VPS4B: variants seen among roughly 807,000 people sequenced by gnomAD.
The protein encoded by VPS4B is vacuolar protein sorting 4 homolog B.
A neutral mutation model predicts 56.1 loss-of-function variants in VPS4B; 23 were observed. The ratio of observed to expected loss-of-function variants is 0.41; its 90% CI spans 0.30 to 0.58. VPS4B has a LOEUF of 0.58. Ranked by LOEUF, VPS4B falls within the 20% of genes least tolerant of loss-of-function variation. The probability of loss-of-function intolerance (pLI) is 0.29; values close to 1 mark genes in which losing one functional copy is unlikely to be tolerated. For missense variants in VPS4B, 372 were observed against 531.9 expected (o/e 0.70, Z 2.96); for synonymous variants, 177 against 186.0 (o/e 0.95, Z 0.39).
At chr18:63,401,579 C>T (rs894739125) in intron 5 of VPS4B, among the ~76,000 whole-genome samples, 3 of 152,112 alleles carry the variant, frequency 2.0e-5, no homozygotes, top group African/African-American at 7.2e-5. Context: ...CTAGTTTTGC[C>T]AAAATATAAC....
rs369477134 is a variant in VPS4B, at chr18:63,397,014, G to T, written c.1092+20C>A. 8.1e-6 allele frequency: 13 copies of T among 1,599,136 alleles called. No individual in the cohort carries two copies. The highest frequency in any genetic ancestry group is 1.1e-5 in the Non-Finnish European group (13 of 1,168,496). ...AAAAAAAAAAAAAAAGATAGGAAAG[G>T]ATAGATAAAAATGACTTACCTTTTT... On this transcript the variant is annotated intron_variant, in intron 9 of 10. Transcript: ENST00000238497.
rs758861653 is a variant in VPS4B, at chr18:63,400,100, A to G, written c.738T>C (p.Asn246=). The G allele has an allele frequency of 4.3e-6, 7 of 1,613,614 alleles. No individual in the cohort carries two copies. The highest frequency in any genetic ancestry group is 5.9e-6 in the Non-Finnish European group (7 of 1,179,796). The part of the protein sequence containing the change: ...IDSLCGSRSE[N]ESEAARRIKT... ...TAATTCTACGTGCGGCTTCACTTTC[A>G]TTTTCACTTCTTGAACCACAGAGAG... The change falls in exon 7 of 11, where the codon AAT becomes AAC. Residue 246 remains asparagine, a synonymous_variant. Transcript: ENST00000238497.
chr18:63,400,280 G>A, intron 6 of VPS4B, 84 bp from the exon 7 acceptor site: 1 of 1,370,022 alleles, frequency 7.3e-7, no homozygotes. Flanking sequence ...CAAGAACTCT[G>A]TAGATTAAAA....
intron 8 of VPS4B, among the ~76,000 whole-genome samples, chr18:63,398,548 A>G (rs932168052): frequency 1.1e-4 from 16 of 152,004 alleles, no homozygotes; most frequent in East Asian, 3.9e-4. Context: ...AAAAAAAAAA[A>G]AAATCTTGGC....
chr18:63,411,424 T>A (rs1916041670), intron 2 of VPS4B, 43 bp downstream of exon 2: 1 of 1,375,444 alleles, frequency 7.3e-7, no homozygotes, highest in Non-Finnish European at 9.7e-7. Flanking sequence ...AGAATAAATT[T>A]TCCTTTTCGT....
At chr18:63,398,190 T>C (rs938371641) in intron 8 of VPS4B, among the ~76,000 whole-genome samples, 40 of 132,826 alleles carry the variant, frequency 3.0e-4, no homozygotes, top group Middle Eastern at 3.8e-3. Flanking sequence ...TATACATATA[T>C]ACACACACAC....
At chr18:63,399,618 A>T (rs1411682908) in intron 7 of VPS4B, among the ~76,000 whole-genome samples, 1 of 152,216 alleles carries the variant, frequency 6.6e-6, no homozygotes, top group East Asian at 1.9e-4. Context: ...TCTACATATT[A>T]CTTTTACTGA....
intron 8 of VPS4B, 64 bp from the exon 9 acceptor site, chr18:63,397,317 C>G: frequency 6.9e-7 from 1 of 1,451,520 alleles, no homozygotes; most frequent in Non-Finnish European, 9.2e-7. Flanking sequence ...CAAGAAGAAA[C>G]AGATACTAAG....
intron 1 of VPS4B, among the ~76,000 whole-genome samples, chr18:63,412,991 T>C (rs1373375526): frequency 2.0e-5 from 3 of 152,218 alleles, no homozygotes; most frequent in African/African-American, 7.2e-5. Context: ...AAGGACAATC[T>C]ATAGACTGGG....
At position 63,399,653 on chromosome 18, in the gene VPS4B, G is replaced by A. The variant is rs187334839; in HGVS notation, c.791-330C>T. Among the ~76,000 whole-genome samples the A allele has an allele frequency of 8.9e-3, 1,351 of 152,202 alleles. 12 individuals are homozygous for A. Among genetic ancestry groups the A allele is most frequent in the Middle Eastern group, 0.024 (7 of 292 alleles). ...AAGTTGTTCCTGGTACATTATAAAT[G>A]AATACATTAAATCTCTTTTCTATTT... On this transcript the variant is annotated intron_variant, in intron 7 of 10. Transcript: ENST00000238497.
intron 2 of VPS4B, among the ~76,000 whole-genome samples, chr18:63,411,154 C>T (rs1011538380): frequency 1.3e-5 from 2 of 152,222 alleles, no homozygotes; most frequent in African/African-American, 4.8e-5. Context: ...CATTGTATCC[C>T]CAGTGCCTGC....
intron 4 of VPS4B, chr18:63,404,447 T>A (rs1277403392): frequency 2.0e-5 from 3 of 152,200 alleles, no homozygotes; most frequent in Non-Finnish European, 4.4e-5. Flanking sequence ...TTTGCCCAAG[T>A]TTCTATTTGG....
At position 63,422,254 on chromosome 18, in the gene VPS4B, T is replaced by C. The variant is rs1458199798; in HGVS notation, c.6A>G (p.Ser2=). 6.6e-7 allele frequency: 1 copy of C among 1,512,344 alleles called. No homozygotes were observed. The highest frequency in any genetic ancestry group is 2.7e-5 in the East Asian group (1 of 37,080). 93.7% of individuals were successfully genotyped at this position (1,512,344 alleles called of 1,614,324 possible). M[S]STSPNLQKAI... is the part of the protein sequence containing the mutation. The stretch of plus-strand genomic sequence containing the variant: ...ATACCTGGAGGTTGGGCGAAGTGGA[T>C]GACATGGCGGAGTTCCCAGGCGGTT... Residue 2 remains serine (S), a synonymous_variant, in exon 1 of 11, where the codon TCA becomes TCG. Coordinates refer to ENST00000238497, the MANE Select transcript of VPS4B (RefSeq NM_004869.4).
intron 9 of VPS4B, among the ~76,000 whole-genome samples, chr18:63,394,890 A>C (rs929650470): frequency 6.6e-6 from 1 of 152,126 alleles, no homozygotes; most frequent in African/African-American, 2.4e-5. Flanking sequence ...TTTACTCACT[A>C]ATATTTTAGC....
At chr18:63,414,261 T>C (rs1030550226) in intron 1 of VPS4B, among the ~76,000 whole-genome samples, 1 of 149,736 alleles carries the variant, frequency 6.7e-6, no homozygotes, top group Admixed American at 6.7e-5. Flanking sequence ...TCCCAGCTAC[T>C]TGGGAGGCTG....
intron 1 of VPS4B, chr18:63,416,009 G>C: frequency 4.6e-6 from 1 of 215,206 alleles, no homozygotes; most frequent in Non-Finnish European, 9.9e-6. Context: ...TGCTTGTCCA[G>C]TCCACCAATC....
Position 63,407,431 on chromosome 18 carries a change from C to T in VPS4B, c.364+1G>A, listed in dbSNP as rs749572623. On this transcript the variant is annotated splice_donor_variant, in intron 4 of 10. Transcript: ENST00000238497. LOFTEE classifies it high-confidence loss of function. ...AATTTAAAAATGAAATCTAAAGCAACCTTGAAGTTGATTCTGTAGTTTCTT... is the reference window on the plus strand; with the variant it reads ...AATTTAAAAATGAAATCTAAAGCAATCTTGAAGTTGATTCTGTAGTTTCTT... 1.2e-6 allele frequency: 2 copies of T among 1,605,996 alleles called. No individual in the cohort carries two copies.
intron 9 of VPS4B, 88 bp downstream of exon 9, chr18:63,396,946 T>G: frequency 7.7e-7 from 1 of 1,301,632 alleles, no homozygotes; most frequent in Non-Finnish European, 1.1e-6. Flanking sequence ...GCCCAGATAG[T>G]GCCACTGCAC....
intron 4 of VPS4B, 42 bp from the exon 5 acceptor site, chr18:63,403,868 T>C: frequency 6.4e-7 from 1 of 1,574,578 alleles, no homozygotes; most frequent in Non-Finnish European, 8.6e-7. Flanking sequence ...AAAGACTATT[T>C]CACCAAAGTT....
Sources: gnomAD v4.1 joint callset for allele counts (sites outside exome capture counted in the v4.1 genomes callset) on GRCh38, gnomAD v4.1.1 for gene constraint, MANE v1.5 for transcripts, NCBI Gene and HGNC (gene_info 2026-07-23, HGNC 2026-07-21) for gene names.